The following CHD2 variants were observed in gnomAD, a reference collection of about 807,000 sequenced individuals.
CHD2 encodes the protein chromodomain helicase DNA binding protein 2.
CHD2 carries 28 observed loss-of-function variants against 243.9 expected under a neutral mutation model. That is an observed-to-expected ratio of 0.11 (90% CI 0.09 to 0.16). CHD2 has a LOEUF of 0.16. CHD2 is among the 10% of genes least tolerant of loss of function. The pLI is 1.00. For synonymous variants in CHD2, 775 were observed against 779.0 expected, an observed-to-expected ratio of 0.99 and a Z score of 0.09; for missense variants, 1,386 against 2,209.8, an observed-to-expected ratio of 0.63 and a Z score of 7.47.
chr15:93,018,298 C>A (rs1004042495), intron 37 of CHD2, among the ~76,000 whole-genome samples: 5 of 152,226 alleles, frequency 3.3e-5, no homozygotes, highest in Non-Finnish European at 7.3e-5. Flanking sequence ...CTACCCAGGT[C>A]AGCCATGAAT....
intron 17 of CHD2, 138 bp from the exon 18 acceptor site, chr15:92,971,627 A>C: frequency 3.6e-6 from 2 of 560,840 alleles, no homozygotes; most frequent in Non-Finnish European, 5.9e-6. Flanking sequence ...GATACAAAAG[A>C]AAATATTCTT....
chr15:93,008,179 C>G (rs1048780370), intron 34 of CHD2, among the ~76,000 whole-genome samples: 1 of 152,322 alleles, frequency 6.6e-6, no homozygotes, highest in Middle Eastern at 3.4e-3. Context: ...AGGCCTGGCT[C>G]CATCCACTCT....
chr15:93,018,944 C>T (rs1489749545), intron 37 of CHD2, among the ~76,000 whole-genome samples: 1 of 152,152 alleles, frequency 6.6e-6, no homozygotes, highest in African/African-American at 2.4e-5. Flanking sequence ...GTGGACATGA[C>T]ATTTTGGTAG....
At position 92,929,416 on chromosome 15, in the gene CHD2, G is replaced by C. The variant is rs114601741; in HGVS notation, c.443+325G>C. 2.5e-3 allele frequency among the ~76,000 whole-genome samples: 381 copies of C among 152,126 alleles called. 4 individuals carry two copies. The highest frequency in any genetic ancestry group is 8.7e-3 in the African/African-American group (362 of 41,486). Reference sequence around the variant, plus strand: ...ATATGTATAAATAACAAGTACACAGGTATTTGGTATTGTAGTAAGCAAGGA... The same window carrying C: ...ATATGTATAAATAACAAGTACACAGCTATTTGGTATTGTAGTAAGCAAGGA... On this transcript the variant is annotated intron_variant, in intron 5 of 38. Coordinates refer to ENST00000394196, the MANE Select transcript of CHD2 (RefSeq NM_001271.4).
chr15:92,937,918 GC>G (rs2053292955), intron 6 of CHD2, among the ~76,000 whole-genome samples: 1 of 152,194 alleles, frequency 6.6e-6, no homozygotes, highest in African/African-American at 2.4e-5. Context: ...AACACTGTTT[GC>G]CTGGCTTAAA....
At chr15:93,008,774 C>T (rs867951419) in intron 34 of CHD2, among the ~76,000 whole-genome samples, 1 of 152,126 alleles carries the variant, frequency 6.6e-6, no homozygotes, top group Non-Finnish European at 1.5e-5. Context: ...AATATTATAT[C>T]CCGTATTTTT....
intron 36 of CHD2, among the ~76,000 whole-genome samples, chr15:93,014,194 T>C (rs1344969292): frequency 6.6e-6 from 1 of 152,212 alleles, no homozygotes; most frequent in Non-Finnish European, 1.5e-5. Flanking sequence ...TGGGTCACTT[T>C]ATTTTTTTTA....
intron 14 of CHD2, chr15:92,953,852 T>G: frequency 2.6e-6 from 1 of 377,820 alleles, no homozygotes; most frequent in East Asian, 5.2e-5. Context: ...TTTTTACTTC[T>G]AAGATTGCTT....
intron 2 of CHD2, among the ~76,000 whole-genome samples, chr15:92,918,347 G>GT (rs372111619): frequency 0.015 from 2,354 of 152,076 alleles, 59 homozygotes; most frequent in African/African-American, 0.054. Flanking sequence ...GTTTTGACTT[G>GT]TTTTTTTATC....
intron 5 of CHD2, 22 bp from the exon 6 acceptor site, chr15:92,937,496 T>G: frequency 6.5e-7 from 1 of 1,537,670 alleles, no homozygotes; most frequent in Non-Finnish European, 8.8e-7. Context: ...AAAAAATTAC[T>G]TTGTTTTGCT....
intron 13 of CHD2, among the ~76,000 whole-genome samples, chr15:92,950,124 C>A (rs966786929): frequency 7.2e-5 from 11 of 152,182 alleles, no homozygotes; most frequent in Admixed American, 6.5e-4. Context: ...TCGGACATGT[C>A]TGAGCAGGTT....
chr15:92,964,279 A>G (rs2053727112), intron 16 of CHD2, among the ~76,000 whole-genome samples: 1 of 152,238 alleles, frequency 6.6e-6, no homozygotes, highest in South Asian at 2.1e-4. Context: ...ATTTTCAAAT[A>G]AAGTTTCAAA....
In CHD2 at chr15:93,000,591, T is replaced by G; in HGVS notation, c.4088T>G (p.Leu1363Arg). The change falls in exon 32 of 39, where the codon CTT (leucine) becomes CGT (arginine). Residue 1363 changes from leucine (L) to arginine (R), a missense_variant. By Grantham distance (102) the Leu-to-Arg change is moderately radical. Coordinates refer to ENST00000394196, the MANE Select transcript of CHD2 (RefSeq NM_001271.4). ...CTGAAAGAGGAGCATGGAATTGAGC[T>G]TTCATCTCCTAGGCATTCAGATAAT... ...PRLKEEHGIE[L>R]SSPRHSDNPS... 6.2e-7 allele frequency: 1 copy of G among 1,613,792 alleles called. No homozygotes were observed. Among genetic ancestry groups the G allele is most frequent in the Non-Finnish European group, 8.5e-7 (1 of 1,179,790 alleles).
At chr15:92,975,258 T>G (rs1335238179) in intron 20 of CHD2, among the ~76,000 whole-genome samples, 2 of 152,098 alleles carry the variant, frequency 1.3e-5, no homozygotes, top group Non-Finnish European at 2.9e-5. Flanking sequence ...GGCAATAGAA[T>G]TAATATAAGA....
rs981952825 is a variant in CHD2 at position 93,020,134 on chromosome 15, G to A, written c.5029G>A (p.Asp1677Asn). 6.2e-7 allele frequency: 1 copy of A among 1,614,068 alleles called. No individual in the cohort carries two copies. Among genetic ancestry groups the A allele is most frequent in the Non-Finnish European group, 8.5e-7 (1 of 1,180,006 alleles). The change falls in exon 38 of 39, where the codon GAC (aspartate) becomes AAC (asparagine). Residue 1677 changes from aspartate (D) to asparagine (N), a missense_variant. Physicochemically the swap from Asp to Asn is conservative, Grantham distance 23. Around this residue, in one of 19 missense-constraint regions of CHD2, gnomAD observed 347 missense variants for 341.6 expected, o/e 1.02. Coordinates refer to ENST00000394196, the MANE Select transcript of CHD2 (RefSeq NM_001271.4). ...QHWYKDHHYG[D>N]RRHMDAHRSG... ...CTGGTACAAGGACCACCATTATGGG[G>A]ACCGGCGACATATGGATGCCCACCG... is the stretch of plus-strand genomic sequence containing the variant.
chr15:92,973,014 G>T (rs2053862768), intron 19 of CHD2, among the ~76,000 whole-genome samples: 1 of 152,154 alleles, frequency 6.6e-6, no homozygotes, highest in African/African-American at 2.4e-5. Context: ...AAGGATGTCA[G>T]ATGGCATCTT....
chr15:92,904,789 A>T, intron 2 of CHD2: 1 of 1,435,476 alleles, frequency 7.0e-7, no homozygotes, highest in Non-Finnish European at 9.1e-7. Context: ...GCCCCCGTTC[A>T]GTGTGAAGAG....
At chr15:92,937,335 C>T (rs1170329627) in intron 5 of CHD2, among the ~76,000 whole-genome samples, 183 bp from the exon 6 acceptor site, 4 of 151,944 alleles carry the variant, frequency 2.6e-5, no homozygotes, top group Admixed American at 6.6e-5. Flanking sequence ...AAATAGGAAT[C>T]GATATTATGT....
At chr15:92,999,574 C>T (rs1201591896) in intron 31 of CHD2, among the ~76,000 whole-genome samples, 4 of 152,040 alleles carry the variant, frequency 2.6e-5, no homozygotes, top group Non-Finnish European at 5.9e-5. Context: ...GCTCTTGCAG[C>T]TATGTCATTT....
Sources: allele counts gnomAD v4.1 joint callset (sites outside exome capture counted in the v4.1 genomes callset), GRCh38; gene constraint gnomAD v4.1.1; regional missense constraint gnomAD v4.1.1; transcripts MANE v1.5; gene names NCBI Gene and HGNC (gene_info 2026-07-23, HGNC 2026-07-21).